Variants in RAB32 observed in about 807,000 individuals in gnomAD.
RAB32 encodes the protein RAB32, member RAS oncogene family, also known as ras-related protein Rab-32.
A neutral mutation model predicts 17.5 loss-of-function variants in RAB32; 17 were observed. The ratio of observed to expected loss-of-function variants is 0.97; its 90% confidence interval spans 0.67 to 1.46. RAB32 has a LOEUF of 1.46. Ranked by LOEUF, RAB32 falls within the 40% of genes most tolerant of loss-of-function variation. RAB32 has a pLI of 0.00. For synonymous variants in RAB32, 115 were observed against 111.1 expected (o/e 1.04, Z -0.22); for missense variants, 288 against 284.3 (o/e 1.01, Z -0.09).
At chr6:146,551,595 A>G (rs1779899610) in intron 2 of RAB32, among the ~76,000 whole-genome samples, 1 of 150,040 alleles carries the variant, frequency 6.7e-6, no homozygotes, top group Non-Finnish European at 1.5e-5. Flanking sequence ...AAAAGACGAA[A>G]AAAAAAAAAG....
At chr6:146,551,782 A>C (rs552475330) in intron 2 of RAB32, among the ~76,000 whole-genome samples, 1 of 152,262 alleles carries the variant, frequency 6.6e-6, no homozygotes, top group East Asian at 1.9e-4. Flanking sequence ...CATCGGTTTC[A>C]CTTTATGTAT....
At position 146,546,782 on chromosome 6, in the gene RAB32, GTTT is replaced by G. The variant is rs962778741; in HGVS notation, c.251-2662_251-2660del. 4.2e-5 allele frequency among the ~76,000 whole-genome samples: 5 copies of G among 118,510 alleles called. 1 individual carries two copies. The highest frequency in any genetic ancestry group is 3.5e-5 in the African/African-American group (1 of 28,712). The allele number at this position is 118,510 out of a possible 152,430, so 77.7% of individuals were successfully genotyped here. A position where few individuals can be genotyped will look rare whatever the true frequency, so the allele number is the denominator to read the frequency against. The stretch of plus-strand genomic sequence containing the variant: ...AAGGTGTGGTGTTTTTACTAGTTAG[GTTT>G]TTTTTTTTTTTTTTTTTTTGGTTGC... On this transcript the variant is annotated intron_variant, in intron 1 of 2. Transcript: ENST00000367495.
Position 146,554,453 on chromosome 6 carries a change from C to A in RAB32, c.529-3C>A, listed in dbSNP as rs781229459. The stretch of plus-strand genomic sequence containing the variant: ...AATCCCGTTCTTCATTTCTGCATTA[C>A]AGGATAACATAAACATAGAGGAAGC... On this transcript the variant is annotated splice_region_variant and splice_polypyrimidine_tract_variant and intron_variant, in intron 2 of 2. Transcript: ENST00000367495. 6.2e-7 allele frequency: 1 copy of A among 1,601,086 alleles called. No homozygotes were observed. The highest frequency in any genetic ancestry group is 8.5e-7 in the Non-Finnish European group (1 of 1,176,206).
intron 1 of RAB32, among the ~76,000 whole-genome samples, chr6:146,546,615 G>T (rs1320828589): frequency 6.6e-6 from 1 of 152,000 alleles, no homozygotes; most frequent in African/African-American, 2.4e-5. Flanking sequence ...CAAACTGATG[G>T]CTGCTCCACA....
At chr6:146,545,086 A>G (rs1779803631) in intron 1 of RAB32, among the ~76,000 whole-genome samples, 1 of 151,618 alleles carries the variant, frequency 6.6e-6, no homozygotes, top group African/African-American at 2.4e-5. Context: ...TACAAAATAC[A>G]TACATACATA....
intron 2 of RAB32, among the ~76,000 whole-genome samples, chr6:146,550,472 C>T (rs950079566): frequency 2.8e-4 from 43 of 151,766 alleles, no homozygotes; most frequent in Admixed American, 1.3e-3. Context: ...GCCTGGGCAA[C>T]GTGGCGAAAC....
At chr6:146,554,385 TC>T (rs2114788503) in intron 2 of RAB32, 70 bp from the exon 3 acceptor site, 1 of 1,485,942 alleles carries the variant, frequency 6.7e-7, no homozygotes, top group African/African-American at 1.4e-5. Flanking sequence ...CTGGTCCCAT[TC>T]ATACTCTTAA....
rs371940199 is a variant in RAB32 at position 146,552,452 on chromosome 6, A to C, written c.529-2004A>C. ...TTTTAGGTTTCTTGTTGTCTGAGAA[A>C]GGGTTTACAAATAAGGAAAAAGGCT... On this transcript the variant is annotated intron_variant, in intron 2 of 2. Transcript: ENST00000367495. Among the ~76,000 whole-genome samples, 33 of 152,326 alleles carry C rather than the reference A, an allele frequency of 2.2e-4. No homozygotes were observed. The East Asian group carries it at 6.0e-3, about 28-fold the overall frequency.
chr6:146,547,667 A>G (rs139709305), intron 1 of RAB32, among the ~76,000 whole-genome samples: 6 of 147,668 alleles, frequency 4.1e-5, no homozygotes, highest in Admixed American at 2.8e-4. Flanking sequence ...CAACTCTCCT[A>G]TCATCTTTCA....
In RAB32 at chr6:146,544,069, C is replaced by T. The variant is rs1391446467; in HGVS notation, c.198C>T (p.Val66=). Residue 66 remains valine, a synonymous_variant, in exon 1 of 3, where the codon GTC becomes GTT. Transcript: ENST00000367495. ...TCGGGGTGGACTTCGCCCTCAAGGT[C>T]CTCAACTGGGACAGCAGGACTCTGG... The part of the protein sequence containing the change: ...ATIGVDFALK[V]LNWDSRTLVR... 1 of 1,613,900 alleles carries T rather than the reference C, an allele frequency of 6.2e-7. No individual in the cohort carries two copies. The highest frequency in any genetic ancestry group is 1.3e-5 in the African/African-American group (1 of 75,046).
At chr6:146,545,254 G>C (rs777412296) in intron 1 of RAB32, among the ~76,000 whole-genome samples, 1 of 150,300 alleles carries the variant, frequency 6.7e-6, no homozygotes, top group Non-Finnish European at 1.5e-5. Flanking sequence ...CTGGTCAACA[G>C]AGTGAGACCC....
At position 146,554,841 on chromosome 6, in the gene RAB32, A is replaced by G; in HGVS notation, c.*236A>G. 1 of 398,608 alleles carries G rather than the reference A, an allele frequency of 2.5e-6. No individual in the cohort carries two copies. Among genetic ancestry groups the G allele is most frequent in the Non-Finnish European group, 4.5e-6 (1 of 223,650 alleles). The allele number at this position is 398,608 out of a possible 1,614,324, so 24.7% of individuals were successfully genotyped here. On this transcript the variant is annotated 3_prime_UTR_variant, in exon 3 of 3. Transcript: ENST00000367495. ...TCATTGTTGCCATCATATGGAAGATAATGTTTACATCCTTTTAAACATTTT... is the reference window on the plus strand; with the variant it reads ...TCATTGTTGCCATCATATGGAAGATGATGTTTACATCCTTTTAAACATTTT...
chr6:146,543,902 C>CT lies in RAB32; in HGVS notation c.32dup (p.Ala13GlyfsTer95). The CT allele has an allele frequency of 6.3e-7, 1 of 1,582,356 alleles. No homozygotes were observed. Among genetic ancestry groups the CT allele is most frequent in the Non-Finnish European group, 8.6e-7 (1 of 1,166,752 alleles). ...GGGCGGAGGAGCCGGGGACCCCGGC[C>CT]TGGGGGCGGCCGCCGCCCCAGCGCC... On this transcript the variant is annotated frameshift_variant, in exon 1 of 3. Coordinates refer to ENST00000367495, the MANE Select transcript of RAB32 (RefSeq NM_006834.5). LOFTEE classifies it high-confidence loss of function.
chr6:146,554,572 C>A lies in RAB32; in HGVS notation c.645C>A (p.Thr215=), dbSNP rs1779936945. 4.3e-6 allele frequency: 7 copies of A among 1,613,554 alleles called. No homozygotes were observed. The South Asian group carries it at 5.5e-5, about 13-fold the overall frequency. ...ACAAAATTAAGCTAGATCAAGAGAC[C>A]TTGAGAGCAGAGAACAAATCCCAGT... ...DVDKIKLDQE[T]LRAENKSQCC Residue 215 remains threonine (T), a synonymous_variant, in exon 3 of 3, where the codon ACC becomes ACA. Coordinates refer to ENST00000367495, the MANE Select transcript of RAB32 (RefSeq NM_006834.5).
intron 1 of RAB32, among the ~76,000 whole-genome samples, chr6:146,547,469 C>T (rs2063622590): frequency 6.6e-6 from 1 of 151,952 alleles, no homozygotes; most frequent in Non-Finnish European, 1.5e-5. Flanking sequence ...CTCTGAAGTT[C>T]ATATAAATAA....
chr6:146,547,696 A>G, intron 1 of RAB32, among the ~76,000 whole-genome samples: 1 of 147,762 alleles, frequency 6.8e-6, no homozygotes, highest in South Asian at 2.2e-4. Context: ...AGTAAAAGGA[A>G]ATACTTGAAA....
intron 2 of RAB32, among the ~76,000 whole-genome samples, chr6:146,552,093 C>A (rs3804283): frequency 6.6e-6 from 1 of 152,084 alleles, no homozygotes; most frequent in Non-Finnish European, 1.5e-5. Context: ...GGAACATAGG[C>A]AAAAGATAAC....
In RAB32 at chr6:146,553,895, C is replaced by T. The variant is rs140730401; in HGVS notation, c.529-561C>T. 1.0e-3 allele frequency among the ~76,000 whole-genome samples: 156 copies of T among 152,264 alleles called. No homozygotes were observed. In the South Asian group the frequency reaches 0.019, roughly 19 times the overall value. On this transcript the variant is annotated intron_variant, in intron 2 of 2. Transcript: ENST00000367495. ...ATTTAATGATAACTTATAATTCAGT[C>T]GCACAAATGCTGTGACGGCTAATAA...
chr6:146,546,782 G>GA (rs1208013735), intron 1 of RAB32, among the ~76,000 whole-genome samples: 1 of 118,518 alleles, frequency 8.4e-6, no homozygotes, highest in Admixed American at 8.4e-5. Context: ...TACTAGTTAG[G>GA]TTTTTTTTTT....
Sources: gnomAD v4.1 joint callset for allele counts (sites outside exome capture counted in the v4.1 genomes callset) on GRCh38, gnomAD v4.1.1 for gene constraint, MANE v1.5 for transcripts, NCBI Gene and HGNC (gene_info 2026-07-23, HGNC 2026-07-21) for gene names.